Variants in IQCJ observed in about 807,000 individuals in gnomAD.
The protein encoded by IQCJ is IQ domain-containing protein J.
IQCJ carries 9 observed loss-of-function variants against 11.0 expected under a neutral mutation model. The observed-to-expected ratio is 0.82, with a 90% CI of 0.49 to 1.43. The LOEUF (loss-of-function observed/expected upper bound fraction) is 1.43. Ranked by LOEUF, IQCJ falls within the 40% of genes most tolerant of loss-of-function variation. The pLI, the probability that IQCJ is intolerant of heterozygous loss-of-function variation, is 0.00. For missense variants in IQCJ, 146 were observed against 133.2 expected (o/e 1.10, Z -0.47); for synonymous variants, 55 against 51.3 (o/e 1.07, Z -0.31).
At chr3:159,086,736 A>G (rs1426545184) in intron 1 of IQCJ, among the ~76,000 whole-genome samples, 7 of 152,076 alleles carry the variant, frequency 4.6e-5, no homozygotes, top group Non-Finnish European at 1.0e-4. Context: ...ATTGGTGTAT[A>G]AGAATGCTTG....
At chr3:159,086,043 G>A (rs1468338784) in intron 1 of IQCJ, among the ~76,000 whole-genome samples, 1 of 152,120 alleles carries the variant, frequency 6.6e-6, no homozygotes, top group African/African-American at 2.4e-5. Context: ...GGTTTTTATG[G>A]TTTTAGATCT....
intron 2 of IQCJ, among the ~76,000 whole-genome samples, chr3:159,246,297 C>A (rs1307276229): frequency 6.6e-6 from 1 of 151,804 alleles, no homozygotes; most frequent in East Asian, 1.9e-4. Flanking sequence ...CAGAATGGGA[C>A]AAAACTGAGC....
intron 1 of IQCJ, among the ~76,000 whole-genome samples, chr3:159,104,543 C>T (rs1559986405): frequency 1.3e-5 from 2 of 152,164 alleles, no homozygotes. Context: ...CAGTTCATTA[C>T]TTCTACTACT....
intron 1 of IQCJ, among the ~76,000 whole-genome samples, chr3:159,072,957 G>A (rs1008597893): frequency 6.6e-6 from 1 of 152,088 alleles, no homozygotes; most frequent in African/African-American, 2.4e-5. Flanking sequence ...GTGTCATTTA[G>A]GTTCTCTGGG....
intron 1 of IQCJ, among the ~76,000 whole-genome samples, chr3:159,090,302 C>T (rs953860953): frequency 1.3e-5 from 2 of 151,750 alleles, no homozygotes; most frequent in Admixed American, 6.6e-5. Flanking sequence ...TCTCCAGCTG[C>T]GTGCTGGGAG....
chr3:159,255,158 C>T lies in IQCJ; in HGVS notation c.155+2351C>T, dbSNP rs76483355. Reference sequence around the variant, plus strand: ...ATTATCACAGGCTTTCTCTTAGGGTCTTTTGACTTCTTTTGGTGGGGACCA... The same window carrying T: ...ATTATCACAGGCTTTCTCTTAGGGTTTTTTGACTTCTTTTGGTGGGGACCA... On this transcript the variant is annotated intron_variant, in intron 3 of 3. Coordinates refer to ENST00000397832, the MANE Select transcript of IQCJ (RefSeq NM_001042706.3). Among the ~76,000 whole-genome samples the T allele has an allele frequency of 8.1e-3, 1,239 of 152,290 alleles. 29 individuals carry two copies. In the East Asian group the frequency reaches 0.1, roughly 13 times the overall value.
intron 1 of IQCJ, among the ~76,000 whole-genome samples, chr3:159,235,208 A>G (rs745438001): frequency 3.9e-5 from 6 of 152,188 alleles, no homozygotes; most frequent in African/African-American, 1.4e-4. Context: ...TCTTGTGCCT[A>G]TACCTATATT....
intron 1 of IQCJ, among the ~76,000 whole-genome samples, chr3:159,150,483 A>G (rs1207087917): frequency 6.6e-6 from 1 of 152,104 alleles, no homozygotes; most frequent in Non-Finnish European, 1.5e-5. Flanking sequence ...CTGGTGGAGA[A>G]TTGCAGATGG....
chr3:159,231,081 C>G (rs1431160377), intron 1 of IQCJ, among the ~76,000 whole-genome samples: 2 of 152,108 alleles, frequency 1.3e-5, no homozygotes, highest in African/African-American at 2.4e-5. Flanking sequence ...CTGGCACGCC[C>G]CAGTTGGCCA....
intron 1 of IQCJ, among the ~76,000 whole-genome samples, chr3:159,079,901 G>A (rs1390895308): frequency 1.3e-5 from 2 of 151,926 alleles, no homozygotes; most frequent in East Asian, 3.9e-4. Flanking sequence ...GAATTTTTAG[G>A]TCAAAGAGTA....
At chr3:159,115,205 T>C (rs942457134) in intron 1 of IQCJ, among the ~76,000 whole-genome samples, 3 of 152,210 alleles carry the variant, frequency 2.0e-5, no homozygotes, top group African/African-American at 7.2e-5. Context: ...CTCTCCGTTT[T>C]GGATTTGTGA....
chr3:159,257,371 G>C (rs1172611621), intron 3 of IQCJ, among the ~76,000 whole-genome samples: 2 of 152,190 alleles, frequency 1.3e-5, no homozygotes, highest in Non-Finnish European at 2.9e-5. Flanking sequence ...AAAGAAAAGA[G>C]TGTTATAGAT....
chr3:159,223,368 G>A (rs1725659656), intron 1 of IQCJ, among the ~76,000 whole-genome samples: 2 of 152,164 alleles, frequency 1.3e-5, no homozygotes, highest in African/African-American at 4.8e-5. Flanking sequence ...GGATAAAAAG[G>A]AGTATAATAT....
intron 1 of IQCJ, among the ~76,000 whole-genome samples, chr3:159,178,219 G>T (rs189467789): frequency 6.6e-6 from 1 of 152,228 alleles, no homozygotes; most frequent in East Asian, 1.9e-4. Context: ...AAAGGTAGGT[G>T]ACATGAAGTA....
chr3:159,194,323 A>T (rs542861820), intron 1 of IQCJ, among the ~76,000 whole-genome samples: 2 of 152,200 alleles, frequency 1.3e-5, no homozygotes, highest in South Asian at 4.2e-4. Context: ...TGCCCTGGAG[A>T]CACTGCATTA....
chr3:159,075,132 G>A (rs528973631), intron 1 of IQCJ, among the ~76,000 whole-genome samples: 2 of 152,174 alleles, frequency 1.3e-5, no homozygotes, highest in East Asian at 1.9e-4. Flanking sequence ...AAGACTTGAC[G>A]CTAAATAAGC....
intron 1 of IQCJ, among the ~76,000 whole-genome samples, chr3:159,193,721 G>A (rs545186686): frequency 2.0e-5 from 3 of 152,230 alleles, no homozygotes; most frequent in Non-Finnish European, 4.4e-5. Context: ...TAATCAACTT[G>A]CCACCAGTTG....
intron 1 of IQCJ, among the ~76,000 whole-genome samples, chr3:159,164,625 G>A (rs1027075236): frequency 6.6e-6 from 1 of 152,078 alleles, no homozygotes; most frequent in Admixed American, 6.6e-5. Flanking sequence ...AAAATTAGCT[G>A]AGCATGGTGG....
At chr3:159,198,491 C>T (rs540792708) in intron 1 of IQCJ, among the ~76,000 whole-genome samples, 41 of 151,984 alleles carry the variant, frequency 2.7e-4, no homozygotes, top group Non-Finnish European at 4.9e-4. Flanking sequence ...ATTATCTTTG[C>T]CATTGAGATA....
Sources: gnomAD v4.1 joint callset for allele counts (sites outside exome capture counted in the v4.1 genomes callset) on GRCh38, gnomAD v4.1.1 for gene constraint, MANE v1.5 for transcripts, NCBI Gene and HGNC (gene_info 2026-07-23, HGNC 2026-07-21) for gene names.